DAW1: variants seen among roughly 807,000 people sequenced by gnomAD.
DAW1 encodes dynein assembly factor with WD repeat domains 1.
Under a neutral mutation model 56.5 loss-of-function variants are expected in DAW1, and 47 were observed. The observed-to-expected ratio is 0.83, with a 90% CI of 0.66 to 1.06. The LOEUF (loss-of-function observed/expected upper bound fraction) is 1.06, where lower values mean the gene tolerates loss of function less well. Ranked by LOEUF, DAW1 falls within the 50% of genes least tolerant of loss-of-function variation. The pLI is 0.00. For synonymous variants in DAW1, 190 were observed against 179.0 expected (o/e 1.06, Z -0.49); for missense variants, 505 against 499.3 (o/e 1.01, Z -0.11).
At chr2:227,873,282 A>G (rs1314334177) in intron 1 of DAW1, among the ~76,000 whole-genome samples, 1 of 152,206 alleles carries the variant, frequency 6.6e-6, no homozygotes, top group Non-Finnish European at 1.5e-5. Context: ...TATATTTGTC[A>G]TCATCCAAAA....
chr2:227,893,922 G>A lies in DAW1; in HGVS notation c.440+5G>A, dbSNP rs754187887. On this transcript the variant is annotated splice_donor_5th_base_variant and intron_variant, in intron 5 of 12. Coordinates refer to ENST00000309931, the MANE Select transcript of DAW1 (RefSeq NM_178821.3). Reference sequence around the variant, plus strand: ...AGCATTCAACAATCCTTACGGGTGTGTTCATCCCTTCACTTATTTGTTTAT... The same window carrying A: ...AGCATTCAACAATCCTTACGGGTGTATTCATCCCTTCACTTATTTGTTTAT... 1.9e-6 allele frequency: 3 copies of A among 1,581,678 alleles called. No homozygotes were observed. The highest frequency in any genetic ancestry group is 2.6e-6 in the Non-Finnish European group (3 of 1,166,922).
chr2:227,893,281 G>T (rs1183018486), intron 4 of DAW1, among the ~76,000 whole-genome samples: 1 of 150,340 alleles, frequency 6.7e-6, no homozygotes, highest in Non-Finnish European at 1.5e-5. Context: ...GGGGTGGGGT[G>T]GGGGTTGGGG....
chr2:227,911,261 T>TGTATATATAC (rs1691811741), intron 10 of DAW1, among the ~76,000 whole-genome samples: 1 of 119,372 alleles, frequency 8.4e-6, no homozygotes, highest in Non-Finnish European at 1.8e-5. Context: ...TATACACGTG[T>TGTATATATAC]ATATACACAT....
chr2:227,920,619 GCA>G (rs1424700932), intron 11 of DAW1, among the ~76,000 whole-genome samples: 2 of 152,066 alleles, frequency 1.3e-5, no homozygotes, highest in African/African-American at 4.8e-5. Flanking sequence ...TTATTCTATG[GCA>G]CAGATTAGAG....
rs763151176 is a variant in DAW1 at position 227,907,126 on chromosome 2, T to A, written c.859-12T>A. The A allele has an allele frequency of 5.0e-6, 8 of 1,589,416 alleles. No individual in the cohort carries two copies. The highest frequency in any genetic ancestry group is 5.1e-6 in the Non-Finnish European group (6 of 1,169,462). ...GTCTTTTTTTTTTTGTTTTTTGTTC[T>A]TTTAATTGTAGCTGTGGGATGCTAC... On this transcript the variant is annotated splice_polypyrimidine_tract_variant and intron_variant, in intron 9 of 12. Transcript: ENST00000309931.
chr2:227,872,355 C>T (rs959196973), intron 1 of DAW1: 1 of 151,642 alleles, frequency 6.6e-6, no homozygotes, highest in African/African-American at 2.4e-5. Context: ...ATACACTTGC[C>T]CAATGAAGTT....
At chr2:227,872,481 C>A (rs551673357) in intron 1 of DAW1, 3 of 152,066 alleles carry the variant, frequency 2.0e-5, no homozygotes, top group Non-Finnish European at 2.9e-5. Context: ...TCTCACTTTT[C>A]CCTGCAACAC....
intron 10 of DAW1, 54 bp downstream of exon 10, chr2:227,907,306 T>A (rs1691709692): frequency 7.1e-7 from 1 of 1,413,048 alleles, no homozygotes; most frequent in East Asian, 2.3e-5. Context: ...CTTTGCTTGA[T>A]AACCATGCAT....
chr2:227,918,305 C>T (rs1238992707), intron 10 of DAW1, among the ~76,000 whole-genome samples: 1 of 152,156 alleles, frequency 6.6e-6, no homozygotes, highest in Non-Finnish European at 1.5e-5. Context: ...ATTCTATTAG[C>T]TTTTTCTGTA....
intron 10 of DAW1, among the ~76,000 whole-genome samples, chr2:227,913,270 T>A (rs1691873420): frequency 6.6e-6 from 1 of 152,158 alleles, no homozygotes; most frequent in Non-Finnish European, 1.5e-5. Flanking sequence ...CATATCGACA[T>A]GTGATGTTAT....
chr2:227,891,208 A>G (rs1055482337), intron 3 of DAW1, 47 bp from the exon 4 acceptor site: 1 of 1,554,878 alleles, frequency 6.4e-7, no homozygotes, highest in Non-Finnish European at 8.8e-7. Context: ...TAACTAACAA[A>G]TTTAATTTGG....
intron 10 of DAW1, among the ~76,000 whole-genome samples, chr2:227,917,724 T>C (rs1311460252): frequency 2.0e-5 from 3 of 152,150 alleles, no homozygotes; most frequent in Admixed American, 6.5e-5. Context: ...TGAAACCAAA[T>C]TGGTCACTTC....
chr2:227,884,717 C>A (rs1035311457), intron 1 of DAW1, among the ~76,000 whole-genome samples: 4 of 152,160 alleles, frequency 2.6e-5, no homozygotes, highest in African/African-American at 9.7e-5. Flanking sequence ...CAGGGCTTTG[C>A]TGAGGCTGCC....
At chr2:227,876,688 C>G (rs1042272193) in intron 1 of DAW1, among the ~76,000 whole-genome samples, 3 of 152,200 alleles carry the variant, frequency 2.0e-5, no homozygotes, top group Non-Finnish European at 2.9e-5. Context: ...TGAATTATCC[C>G]TCTCCCTACC....
At chr2:227,910,744 C>A (rs1042705981) in intron 10 of DAW1, among the ~76,000 whole-genome samples, 31 of 152,038 alleles carry the variant, frequency 2.0e-4, no homozygotes, top group African/African-American at 7.5e-4. Context: ...ACACTATGTC[C>A]ATGCCATTTG....
chr2:227,889,664 C>G (rs2106193774), intron 2 of DAW1, 192 bp from the exon 3 acceptor site: 1 of 412,874 alleles, frequency 2.4e-6, no homozygotes, highest in Non-Finnish European at 4.3e-6. Context: ...TCTTGCTTTC[C>G]TGCCATCATC....
chr2:227,917,142 A>ATCTATCTGTCTGTCTG (rs1162712241), intron 10 of DAW1, among the ~76,000 whole-genome samples: 25 of 138,548 alleles, frequency 1.8e-4, no homozygotes, highest in East Asian at 1.1e-3. Context: ...CTATCTATCT[A>ATCTATCTGTCTGTCTG]TCTGTCTGTC....
At chr2:227,878,289 T>C (rs1246901347) in intron 1 of DAW1, among the ~76,000 whole-genome samples, 1 of 152,210 alleles carries the variant, frequency 6.6e-6, no homozygotes, top group African/African-American at 2.4e-5. Flanking sequence ...AAATCTAAAA[T>C]TATAGTACAG....
chr2:227,893,904 A>G lies in DAW1; in HGVS notation c.427A>G (p.Asn143Asp), dbSNP rs1265774517. 1 of 1,609,112 alleles carries G rather than the reference A, an allele frequency of 6.2e-7. No homozygotes were observed. The highest frequency in any genetic ancestry group is 1.7e-5 in the Admixed American group (1 of 58,962). ...HRNVVYAIAF[N>D]NPYGDKIATG... ...GAATGTGGTTTATGCCATAGCATTC[A>G]ACAATCCTTACGGGTGTGTTCATCC... The change falls in exon 5 of 13, where the codon AAC (asparagine) becomes GAC (aspartate). Residue 143 changes from asparagine (N) to aspartate (D), a missense_variant. Physicochemically the swap from Asn to Asp is conservative, Grantham distance 23. Coordinates refer to ENST00000309931, the MANE Select transcript of DAW1 (RefSeq NM_178821.3).
Sources: allele counts gnomAD v4.1 joint callset (sites outside exome capture counted in the v4.1 genomes callset), GRCh38; gene constraint gnomAD v4.1.1; transcripts MANE v1.5; gene names NCBI Gene and HGNC (gene_info 2026-07-23, HGNC 2026-07-21).